MFRP: variants seen among roughly 807,000 people sequenced by gnomAD.
MFRP encodes membrane frizzled-related protein, also known as C1q and TNF related 5.
A neutral mutation model predicts 65.8 loss-of-function variants in MFRP; 74 were observed. The observed-to-expected ratio is 1.12, with a 90% CI of 0.93 to 1.36. MFRP has a LOEUF of 1.36. Ranked by LOEUF, MFRP falls within the 40% of genes most tolerant of loss-of-function variation. MFRP has a pLI of 0.00. For synonymous variants in MFRP, 336 were observed against 288.3 expected, an observed-to-expected ratio of 1.17 and a Z score of -1.68; for missense variants, 838 against 736.0, an observed-to-expected ratio of 1.14 and a Z score of -1.60.
chr11:119,342,652 C>T lies in MFRP; in HGVS notation c.1331G>A (p.Arg444Lys), dbSNP rs1210309912. The change falls in exon 11 of 15, where the codon AGA (arginine) becomes AAA (lysine). Residue 444 changes from arginine to lysine, a missense_variant. Coordinates refer to ENST00000619721, the MANE Select transcript of MFRP (RefSeq NM_031433.4). ...KGVQWMCDMW[R>K]DCTDGSDDNC... Reference sequence around the variant, plus strand: ...GTCATCGCTGCCATCGGTGCAGTCTCTCCACATGTCACACATCCACTGCAC... The same window carrying T: ...GTCATCGCTGCCATCGGTGCAGTCTTTCCACATGTCACACATCCACTGCAC... 3.1e-6 allele frequency: 5 copies of T among 1,613,614 alleles called. No individual in the cohort carries two copies. The highest frequency in any genetic ancestry group is 4.2e-6 in the Non-Finnish European group (5 of 1,179,968).
In MFRP at chr11:119,339,145, C is replaced by T; in HGVS notation, c.*1814G>A. The T allele has an allele frequency of 1.5e-6, 1 of 664,604 alleles. No individual in the cohort carries two copies. The highest frequency in any genetic ancestry group is 2.5e-6 in the Non-Finnish European group (1 of 399,440). 41.2% of individuals were successfully genotyped at this position (664,604 alleles called of 1,614,324 possible). On this transcript the variant is annotated 3_prime_UTR_variant, in exon 15 of 15. Transcript: ENST00000619721. This position sits in a 1 kb window ranked among gnomAD's most constrained non-coding sequence, Gnocchi z 5.4. Reference sequence around the variant, plus strand: ...GCAGAAATCCAGCCACTGCCCCATGCTGCCAGACCTGATCGCAGACAGCCA... The same window carrying T: ...GCAGAAATCCAGCCACTGCCCCATGTTGCCAGACCTGATCGCAGACAGCCA...
In MFRP at chr11:119,340,743, G is replaced by A. The variant is rs997968723; in HGVS notation, c.*805C>T. On this transcript the variant is annotated 3_prime_UTR_variant, in exon 13 of 15. Coordinates refer to ENST00000619721, the MANE Select transcript of MFRP (RefSeq NM_031433.4). The stretch of plus-strand genomic sequence containing the variant: ...CCTCCTTCGGGGCGCTCGCTACTCC[G>A]GACCCTCCAGTTGGTGGTGCTCCAG... 1 of 331,312 alleles carries A rather than the reference G, an allele frequency of 3.0e-6. No individual in the cohort carries two copies. The highest frequency in any genetic ancestry group is 5.5e-6 in the Non-Finnish European group (1 of 180,342). 20.5% of individuals were successfully genotyped at this position (331,312 alleles called of 1,614,324 possible).
At position 119,344,158 on chromosome 11, in the gene MFRP, G is replaced by T. The variant is rs373998841; in HGVS notation, c.975+157C>A. 2.1e-4 allele frequency among the ~76,000 whole-genome samples: 32 copies of T among 152,154 alleles called. 1 individual carries two copies. In the South Asian group the frequency reaches 5.4e-3, roughly 26 times the overall value. ...CAGTGTGGGAACATCTGGGTACACA[G>T]CAGGCACTTAATAATATTCCCCCAT... On this transcript the variant is annotated intron_variant, in intron 8 of 14. Coordinates refer to ENST00000619721, the MANE Select transcript of MFRP (RefSeq NM_031433.4).
In MFRP at chr11:119,344,398, A is replaced by G. The variant is rs1236969246; in HGVS notation, c.899-7T>C. 1.2e-6 allele frequency: 2 copies of G among 1,612,946 alleles called. No homozygotes were observed. The highest frequency in any genetic ancestry group is 1.7e-6 in the Non-Finnish European group (2 of 1,179,354). ...GTCAGATTCCCCCCACACCCTGTAGAGAGGTGGAAGGGCTCATGAGTTTGC... is the reference window on the plus strand; with the variant it reads ...GTCAGATTCCCCCCACACCCTGTAGGGAGGTGGAAGGGCTCATGAGTTTGC... On this transcript the variant is annotated splice_polypyrimidine_tract_variant and splice_region_variant and intron_variant, in intron 7 of 14. Transcript: ENST00000619721.
chr11:119,345,719 C>G, intron 4 of MFRP, 54 bp downstream of exon 4: 1 of 1,612,768 alleles, frequency 6.2e-7, no homozygotes, highest in Non-Finnish European at 8.5e-7. Flanking sequence ...CTCCCCTCAA[C>G]CCCACCCCGT....
chr11:119,342,822 C>T lies in MFRP; in HGVS notation c.1255+51G>A, dbSNP rs755240112. 7 of 1,613,050 alleles carry T rather than the reference C, an allele frequency of 4.3e-6. No homozygotes were observed. The South Asian group carries it at 5.5e-5, about 13-fold the overall frequency. On this transcript the variant is annotated intron_variant, in intron 10 of 14. Transcript: ENST00000619721. ...ACCAGGGTCCAGAGCCCTTGTCTGTCCCCCTGGAGGTGCCTCTACTGCCCC... is the reference window on the plus strand; with the variant it reads ...ACCAGGGTCCAGAGCCCTTGTCTGTTCCCCTGGAGGTGCCTCTACTGCCCC...
chr11:119,344,741 A>G lies in MFRP; in HGVS notation c.789T>C (p.Asp263=), dbSNP rs1470650785. 4 of 1,614,052 alleles carry G rather than the reference A, an allele frequency of 2.5e-6. No homozygotes were observed. The highest frequency in any genetic ancestry group is 1.7e-5 in the Admixed American group (1 of 60,034). Residue 263 remains aspartate, a synonymous_variant, in exon 7 of 15, where the codon GAT becomes GAC. Transcript: ENST00000619721. ...MAPGRGSCAH[D]EFRCDQLICL... is the part of the protein sequence containing the mutation. ...AGATGAGCTGGTCACAGCGGAACTCATCATGGGCACAGCTCCCTGGATGTG... is the reference window on the plus strand; with the variant it reads ...AGATGAGCTGGTCACAGCGGAACTCGTCATGGGCACAGCTCCCTGGATGTG...
intron 5 of MFRP, 91 bp downstream of exon 5, chr11:119,345,329 C>G: frequency 7.5e-7 from 1 of 1,337,194 alleles, no homozygotes; most frequent in South Asian, 1.2e-5. Flanking sequence ...ATTTCTTCCT[C>G]GGTTAGCCCT....
At position 119,339,405 on chromosome 11, in the gene MFRP, T is replaced by G; in HGVS notation, c.*1554A>C. 1 of 1,613,416 alleles carries G rather than the reference T, an allele frequency of 6.2e-7. No homozygotes were observed. Among genetic ancestry groups the G allele is most frequent in the Non-Finnish European group, 8.5e-7 (1 of 1,179,452 alleles). Reference sequence around the variant, plus strand: ...GAGAAGGTGCTGTCTGTCTTGATGCTGGCATAGATGCCAATGTAGTCACCC... The same window carrying G: ...GAGAAGGTGCTGTCTGTCTTGATGCGGGCATAGATGCCAATGTAGTCACCC... On this transcript the variant is annotated 3_prime_UTR_variant, in exon 15 of 15. Coordinates refer to ENST00000619721, the MANE Select transcript of MFRP (RefSeq NM_031433.4). The surrounding 1 kb of genome is among the most constrained non-coding windows in gnomAD (Gnocchi z 5.4).
In MFRP at chr11:119,346,177, G is replaced by T. The variant is rs1213068872; in HGVS notation, c.158-18C>A. The T allele has an allele frequency of 6.3e-7, 1 of 1,576,696 alleles. No homozygotes were observed. Among genetic ancestry groups the T allele is most frequent in the East Asian group, 2.3e-5 (1 of 43,038 alleles). On this transcript the variant is annotated intron_variant, in intron 2 of 14. Transcript: ENST00000619721. ...ACGCCGACCTGCGGGTTGGCAGGTG[G>T]GGTTTTGAAAGCCCCTTCTGTTGGG...
In MFRP at chr11:119,346,271, C is replaced by G. The variant is rs2135374724; in HGVS notation, c.157+1G>C. The G allele has an allele frequency of 1.2e-6, 2 of 1,611,630 alleles. No homozygotes were observed. The highest frequency in any genetic ancestry group is 1.7e-6 in the Non-Finnish European group (2 of 1,178,908). Reference sequence around the variant, plus strand: ...CCCAGGTCACCCCCTGGGATGGTTACCATGCCAGGGAGCTGGGACGCTGTA... The same window carrying G: ...CCCAGGTCACCCCCTGGGATGGTTAGCATGCCAGGGAGCTGGGACGCTGTA... On this transcript the variant is annotated splice_donor_variant, in intron 2 of 14. Coordinates refer to ENST00000619721, the MANE Select transcript of MFRP (RefSeq NM_031433.4). LOFTEE classifies it high-confidence loss of function.
chr11:119,344,833 A>G, intron 6 of MFRP, 41 bp downstream of exon 6: 1 of 1,613,388 alleles, frequency 6.2e-7, no homozygotes, highest in Non-Finnish European at 8.5e-7. Context: ...GGTGGAGGGG[A>G]AGAAAGTGGA....
At chr11:119,344,243 C>G in intron 8 of MFRP, 72 bp downstream of exon 8, 2 of 1,390,344 alleles carry the variant, frequency 1.4e-6, no homozygotes, top group Non-Finnish European at 2.0e-6. Context: ...CATGCCATTC[C>G]CATTACACTA....
In MFRP at chr11:119,344,933, T is replaced by C. The variant is rs749817457; in HGVS notation, c.713A>G (p.Asp238Gly). ...ASHLLVVFVSDSSVEGFGFHA... is the reference protein window; with the variant it reads ...ASHLLVVFVSGSSVEGFGFHA... ...GAAACCAAATCCTTCCACACTGCTGTCAGAGACGAAGACCACCAGGAGGTG... is the reference window on the plus strand; with the variant it reads ...GAAACCAAATCCTTCCACACTGCTGCCAGAGACGAAGACCACCAGGAGGTG... The change falls in exon 6 of 15, where the codon GAC becomes GGC. Residue 238 changes from aspartate (D) to glycine (G), a missense_variant. By Grantham distance (94) the Asp-to-Gly change is moderately conservative. Transcript: ENST00000619721. 2.1e-5 allele frequency: 34 copies of C among 1,611,274 alleles called. No homozygotes were observed. The highest frequency in any genetic ancestry group is 2.9e-5 in the Non-Finnish European group (34 of 1,179,220).
rs1040435706 is a variant in MFRP at position 119,344,983 on chromosome 11, G to A, written c.663C>T (p.Pro221=). The change falls in exon 6 of 15, where the codon CCC becomes CCT. Residue 221 remains proline (P), a synonymous_variant. Transcript: ENST00000619721. ...PLLRVCGRVP[P]PTLNTNASHL... is the part of the protein sequence containing the mutation. ...GGCTGGCATTGGTGTTGAGCGTGGG[G>A]GGAGGCACCCTTCCACAAACCCTGC... is the stretch of plus-strand genomic sequence containing the variant. The A allele has an allele frequency of 1.8e-5, 29 of 1,606,962 alleles. No individual in the cohort carries two copies. Among genetic ancestry groups the A allele is most frequent in the Non-Finnish European group, 2.3e-5 (27 of 1,177,756 alleles).
chr11:119,342,957 C>T lies in MFRP; in HGVS notation c.1171G>A (p.Glu391Lys). Residue 391 changes from glutamate (E) to lysine (K), a missense_variant, in exon 10 of 15, where the codon GAG (glutamate) becomes AAG (lysine). Physicochemically the swap from Glu to Lys is moderately conservative, Grantham distance 56 (BLOSUM62 1). Coordinates refer to ENST00000619721, the MANE Select transcript of MFRP (RefSeq NM_031433.4). ...PPPHLVSSHH[E>K]LAVLFRTDHG... ...TCTGTCCTAAACAGCACAGCCAGCT[C>T]ATGGTGCGAGGAGACGAGGTGGGGG... is the stretch of plus-strand genomic sequence containing the variant. The T allele has an allele frequency of 6.2e-7, 1 of 1,611,692 alleles. No individual in the cohort carries two copies. Among genetic ancestry groups the T allele is most frequent in the Non-Finnish European group, 8.5e-7 (1 of 1,179,448 alleles).
Position 119,345,542 on chromosome 11 carries a change from A to G in MFRP, c.519T>C (p.His173=). The change falls in exon 5 of 15, where the codon CAT becomes CAC. Residue 173 remains histidine, a synonymous_variant. Coordinates refer to ENST00000619721, the MANE Select transcript of MFRP (RefSeq NM_031433.4). ...TTGCATGGTCTGTGGCCACCTGGAT[A>G]TGCCACACGCAGTGGGTGTTGGGGG... ...PYPPNTHCVW[H]IQVATDHAIQ... 3 of 1,614,076 alleles carry G rather than the reference A, an allele frequency of 1.9e-6. No homozygotes were observed. The highest frequency in any genetic ancestry group is 2.2e-5 in the East Asian group (1 of 44,872).
In MFRP at chr11:119,343,935, G is replaced by C; in HGVS notation, c.1005C>G (p.Ala335=). The C allele has an allele frequency of 6.2e-7, 1 of 1,613,390 alleles. No homozygotes were observed. The highest frequency in any genetic ancestry group is 8.5e-7 in the Non-Finnish European group (1 of 1,179,972). ...LLCTWHISVP[A]GHSIELQFHN... ...GGAACTGTAGTTCTATGCTGTGTCC[G>C]GCAGGCACCGAGATATGCCAGGTGC... The change falls in exon 9 of 15, where the codon GCC becomes GCG. Residue 335 remains alanine, a synonymous_variant. Transcript: ENST00000619721.
In MFRP at chr11:119,341,663, C is replaced by A. The variant is rs754049770; in HGVS notation, c.1625G>T (p.Cys542Phe). The A allele has an allele frequency of 6.2e-7, 1 of 1,612,900 alleles. No individual in the cohort carries two copies. The highest frequency in any genetic ancestry group is 2.2e-5 in the East Asian group (1 of 44,902). Residue 542 changes from cysteine to phenylalanine, a missense_variant, in exon 13 of 15, where the codon TGC becomes TTC. Cys to Phe is a radical substitution (Grantham distance 205). Transcript: ENST00000619721. Reference protein sequence around the residue: ...GSVLPPCRSVCQEAEHQCQSG... With the variant: ...GSVLPPCRSVFQEAEHQCQSG... Reference sequence around the variant, plus strand: ...CTGGCACTGGTGCTCCGCTTCCTGGCAGACAGAGCGGCAAGGGGGCAGAAC... The same window carrying A: ...CTGGCACTGGTGCTCCGCTTCCTGGAAGACAGAGCGGCAAGGGGGCAGAAC...
Sources: gnomAD v4.1 joint callset for allele counts (sites outside exome capture counted in the v4.1 genomes callset) on GRCh38, gnomAD v4.1.1 for gene constraint, Gnocchi (gnomAD v3.1) non-coding constraint, MANE v1.5 for transcripts, NCBI Gene and HGNC (gene_info 2026-07-23, HGNC 2026-07-21) for gene names.